PIK3C2G: variants seen among roughly 807,000 people sequenced by gnomAD.
The protein encoded by PIK3C2G is phosphatidylinositol-4-phosphate 3-kinase catalytic subunit type 2 gamma.
A neutral mutation model predicts 181.1 loss-of-function variants in PIK3C2G; 168 were observed. The ratio of observed to expected loss-of-function variants is 0.93; its 90% confidence interval spans 0.82 to 1.05. PIK3C2G has a LOEUF of 1.05. PIK3C2G is among the 50% of genes least tolerant of loss of function. PIK3C2G has a pLI of 0.00. For synonymous variants in PIK3C2G, 573 were observed against 592.2 expected, an observed-to-expected ratio of 0.97 and a Z score of 0.47; for missense variants, 1,869 against 1,732.8, an observed-to-expected ratio of 1.08 and a Z score of -1.40.
the PIK3C2G span, among the ~76,000 whole-genome samples, chr12:18,681,720 A>C: frequency 2.7e-4 from 41 of 152,198 alleles, no homozygotes; most frequent in Admixed American, 1.8e-3. Context: ...GAATATTTCA[A>C]AATGAACAAT....
intron 16 of PIK3C2G, among the ~76,000 whole-genome samples, chr12:18,419,006 G>T (rs1945329723): frequency 6.6e-6 from 1 of 152,142 alleles, no homozygotes; most frequent in African/African-American, 2.4e-5. Flanking sequence ...TTGGAGAAAG[G>T]TGATAACACA....
intron 18 of PIK3C2G, among the ~76,000 whole-genome samples, chr12:18,452,439 TG>T (rs767555861): frequency 6.6e-6 from 1 of 152,116 alleles, no homozygotes; most frequent in Non-Finnish European, 1.5e-5. Flanking sequence ...TTTTTTATTG[TG>T]CCTATTTGAT....
chr12:18,555,071 A>G (rs1283033936), intron 26 of PIK3C2G, among the ~76,000 whole-genome samples: 1 of 152,160 alleles, frequency 6.6e-6, no homozygotes, highest in African/African-American at 2.4e-5. Flanking sequence ...GAATGTTCTC[A>G]TGCAAATTCC....
At chr12:18,695,093 G>A in the PIK3C2G span, 1 of 1,609,378 alleles carries the variant, frequency 6.2e-7, no homozygotes, top group Non-Finnish European at 8.5e-7. Context: ...TAAGAAAGAA[G>A]TATTTTGACA....
At chr12:18,378,526 T>A (rs1214401654) in intron 13 of PIK3C2G, among the ~76,000 whole-genome samples, 2 of 152,112 alleles carry the variant, frequency 1.3e-5, no homozygotes, top group Non-Finnish European at 2.9e-5. Flanking sequence ...TGGGATCTAA[T>A]TAAACTAAAG....
In PIK3C2G at chr12:18,310,660, C is replaced by A. The variant is rs1319438007; in HGVS notation, c.1035-3302C>A. On this transcript the variant is annotated intron_variant, in intron 5 of 32. Transcript: ENST00000538779. ...TCCTTTTCTTTAAAAAAGGTGACCA[C>A]CAGAAAGTAAAAATATGTTTATGAA... Among the ~76,000 whole-genome samples the A allele has an allele frequency of 2.0e-5, 3 of 150,822 alleles. No homozygotes were observed. The East Asian group carries it at 5.8e-4, about 29-fold the overall frequency.
chr12:18,460,953 G>T (rs1486626211), intron 18 of PIK3C2G, among the ~76,000 whole-genome samples: 1 of 151,988 alleles, frequency 6.6e-6, no homozygotes, highest in Admixed American at 6.6e-5. Flanking sequence ...TTTACTGTAA[G>T]GATCAAATGA....
chr12:18,409,081 T>C (rs1405954742), intron 16 of PIK3C2G, among the ~76,000 whole-genome samples: 1 of 152,084 alleles, frequency 6.6e-6, no homozygotes, highest in Non-Finnish European at 1.5e-5. Flanking sequence ...CATTCTACTA[T>C]AAAGACACAT....
At chr12:18,283,465 G>C (rs762088874) in intron 2 of PIK3C2G, among the ~76,000 whole-genome samples, 6 of 152,110 alleles carry the variant, frequency 3.9e-5, no homozygotes, top group Non-Finnish European at 5.9e-5. Flanking sequence ...CAGTTTCCTG[G>C]GTGAGGCAGA....
intron 29 of PIK3C2G, among the ~76,000 whole-genome samples, chr12:18,580,094 C>T (rs1443396195): frequency 2.0e-5 from 3 of 150,538 alleles, no homozygotes; most frequent in African/African-American, 7.3e-5. Context: ...GTTCGCACCA[C>T]TGCACTCCAG....
the PIK3C2G span, among the ~76,000 whole-genome samples, chr12:18,669,408 T>C: frequency 1.3e-5 from 2 of 152,226 alleles, no homozygotes; most frequent in Non-Finnish European, 2.9e-5. Flanking sequence ...ATAATTATCC[T>C]CACTTTAAAT....
chr12:18,538,499 T>C (rs1465775415), intron 25 of PIK3C2G, among the ~76,000 whole-genome samples, 187 bp downstream of exon 25: 1 of 151,962 alleles, frequency 6.6e-6, no homozygotes, highest in East Asian at 1.9e-4. Context: ...TGTTCGTTCA[T>C]AGTTATTGTC....
downstream of PIK3C2G, among the ~76,000 whole-genome samples, chr12:18,650,704 GTATA>G (rs1361372584): frequency 1.9e-3 from 107 of 57,662 alleles, no homozygotes; most frequent in Non-Finnish European, 2.4e-3. Context: ...GTGTGTGTGT[GTATA>G]TATCTATATA....
chr12:18,417,291 G>A (rs572823929), intron 16 of PIK3C2G, among the ~76,000 whole-genome samples: 9 of 152,262 alleles, frequency 5.9e-5, no homozygotes, highest in African/African-American at 2.2e-4. Flanking sequence ...TGGTGAAGAT[G>A]CTGCGAACAT....
chr12:18,398,839 A>C (rs1944048144), intron 15 of PIK3C2G, among the ~76,000 whole-genome samples: 1 of 152,214 alleles, frequency 6.6e-6, no homozygotes. Flanking sequence ...TGAAGTTAAC[A>C]ACAGCAAAGA....
rs141611268 is a variant in PIK3C2G at position 18,293,386 on chromosome 12, A to G, written c.920-515A>G. ...ATCTTAATGATCACAGAATTGTCTT[A>G]ATGTCATGGCATGAATATGAATATT... On this transcript the variant is annotated intron_variant, in intron 4 of 32. Coordinates refer to ENST00000538779, the MANE Select transcript of PIK3C2G (RefSeq NM_001288772.2). Among the ~76,000 whole-genome samples, 672 of 152,322 alleles carry G rather than the reference A, an allele frequency of 4.4e-3. 5 individuals are homozygous for G. The highest frequency in any genetic ancestry group is 0.016 in the African/African-American group (645 of 41,578).
At chr12:18,567,466 T>A (rs1945697727) in intron 29 of PIK3C2G, among the ~76,000 whole-genome samples, 1 of 152,098 alleles carries the variant, frequency 6.6e-6, no homozygotes, top group Non-Finnish European at 1.5e-5. Context: ...TATGCCTAAT[T>A]TGTATAAAAT....
At chr12:18,315,180 A>G (rs1950807237) in intron 6 of PIK3C2G, among the ~76,000 whole-genome samples, 1 of 152,188 alleles carries the variant, frequency 6.6e-6, no homozygotes. Context: ...AGAAAATTTC[A>G]GGTAGTACAT....
chr12:18,497,876 ATTC>A (rs1440167361), intron 22 of PIK3C2G, 128 bp downstream of exon 22: 3 of 533,232 alleles, frequency 5.6e-6, no homozygotes, highest in Non-Finnish European at 9.0e-6. Context: ...AACTATACAC[ATTC>A]TTCTTTTTTT....
Sources: gnomAD v4.1 joint callset for allele counts (sites outside exome capture counted in the v4.1 genomes callset) on GRCh38, gnomAD v4.1.1 for gene constraint, MANE v1.5 for transcripts, NCBI Gene and HGNC (gene_info 2026-07-23, HGNC 2026-07-21) for gene names.